The following CCDC171 variants were observed in gnomAD, a reference collection of about 807,000 sequenced individuals.
CCDC171 encodes coiled-coil domain-containing protein 171.
Under a neutral mutation model 168.2 loss-of-function variants are expected in CCDC171, and 177 were observed. The ratio of observed to expected loss-of-function variants is 1.05; its 90% CI spans 0.93 to 1.19. The LOEUF is 1.19. CCDC171 is among the 50% of genes most tolerant of loss of function. The probability of loss-of-function intolerance (pLI) is 0.00; values close to 1 mark genes in which losing one functional copy is unlikely to be tolerated. For synonymous variants in CCDC171, 687 were observed against 540.8 expected, an observed-to-expected ratio of 1.27 and a Z score of -3.75; for missense variants, 1,991 against 1,539.0, an observed-to-expected ratio of 1.29 and a Z score of -4.91.
At chr9:16,083,104 A>G in the CCDC171 span, among the ~76,000 whole-genome samples, 5 of 152,248 alleles carry the variant, frequency 3.3e-5, no homozygotes, top group African/African-American at 1.2e-4. Context: ...TTTTGTCATT[A>G]AAAGAATGAC....
chr9:15,574,317 G>C (rs925392104), intron 3 of CCDC171, among the ~76,000 whole-genome samples: 1 of 151,364 alleles, frequency 6.6e-6, no homozygotes, highest in Admixed American at 6.6e-5. Context: ...GCTAATTTTT[G>C]TATTTTTAGT....
chr9:15,623,475 GCA>G (rs1554714957), intron 7 of CCDC171, 62 bp downstream of exon 7: 4,599 of 313,398 alleles, frequency 0.015, 26 homozygotes, highest in South Asian at 0.021. Context: ...GCGCGCGCGC[GCA>G]CACACACACA....
At chr9:15,946,359 G>A (rs199649858) in intron 25 of CCDC171, among the ~76,000 whole-genome samples, 13 of 151,884 alleles carry the variant, frequency 8.6e-5, no homozygotes, top group South Asian at 4.2e-4. Flanking sequence ...AATCACAAGC[G>A]TTCTTATACA....
At chr9:16,069,957 A>C in the CCDC171 span, among the ~76,000 whole-genome samples, 2 of 152,146 alleles carry the variant, frequency 1.3e-5, no homozygotes, top group African/African-American at 4.8e-5. Context: ...CAGGAAATCC[A>C]TATTCATTCT....
At chr9:16,005,201 C>A (rs1209227379) in intron 3 of CCDC171, among the ~76,000 whole-genome samples, 1 of 152,228 alleles carries the variant, frequency 6.6e-6, no homozygotes, top group Non-Finnish European at 1.5e-5. Flanking sequence ...AATCTACATT[C>A]TATCTGTATA....
intron 25 of CCDC171, among the ~76,000 whole-genome samples, chr9:15,930,038 T>A (rs1385917968): frequency 6.6e-6 from 1 of 151,766 alleles, no homozygotes; most frequent in Non-Finnish European, 1.5e-5. Context: ...ACCAATTAGT[T>A]GTGTATGTAT....
At chr9:15,607,991 C>T (rs1408360420) in intron 6 of CCDC171, among the ~76,000 whole-genome samples, 6 of 152,152 alleles carry the variant, frequency 3.9e-5, no homozygotes, top group Admixed American at 6.5e-5. Context: ...CAAGGGACTG[C>T]ATCTGACGAT....
At chr9:16,025,324 C>T (rs1013424291) in intron 6 of CCDC171, among the ~76,000 whole-genome samples, 2 of 152,122 alleles carry the variant, frequency 1.3e-5, no homozygotes, top group African/African-American at 4.8e-5. Context: ...CGCCTGTAAT[C>T]CCAGCTACTC....
intron 21 of CCDC171, among the ~76,000 whole-genome samples, chr9:15,800,462 G>C (rs989055805): frequency 6.6e-6 from 1 of 151,956 alleles, no homozygotes; most frequent in African/African-American, 2.4e-5. Context: ...CAGATTATTA[G>C]ATTTTTTTCC....
intron 18 of CCDC171, among the ~76,000 whole-genome samples, chr9:15,775,593 C>T (rs2057281132): frequency 6.6e-6 from 1 of 152,202 alleles, no homozygotes; most frequent in Non-Finnish European, 1.5e-5. Flanking sequence ...GCTGGGATTA[C>T]AGGAGTGAGC....
chr9:16,084,669 G>A, the CCDC171 span, among the ~76,000 whole-genome samples: 111 of 152,026 alleles, frequency 7.3e-4, no homozygotes, highest in African/African-American at 2.4e-3. Context: ...GAATACCTCC[G>A]GGCTGCCATG....
At chr9:15,655,358 T>C (rs1341083576) in intron 7 of CCDC171, among the ~76,000 whole-genome samples, 1 of 152,248 alleles carries the variant, frequency 6.6e-6, no homozygotes, top group Non-Finnish European at 1.5e-5. Context: ...GCTACTGTTA[T>C]GTTGAGACAT....
At chr9:15,761,554 A>G (rs914810175) in intron 18 of CCDC171, among the ~76,000 whole-genome samples, 1 of 152,222 alleles carries the variant, frequency 6.6e-6, no homozygotes. Flanking sequence ...GCATTTTAAC[A>G]AGATCCTCAG....
chr9:16,036,802 G>A (rs1453923008), intron 8 of CCDC171, among the ~76,000 whole-genome samples: 5 of 151,964 alleles, frequency 3.3e-5, no homozygotes, highest in Admixed American at 1.3e-4. Flanking sequence ...TATCTGAGAT[G>A]AGATATTGAC....
the CCDC171 span, among the ~76,000 whole-genome samples, chr9:16,102,513 G>T: frequency 6.6e-6 from 1 of 150,774 alleles, no homozygotes; most frequent in South Asian, 2.1e-4. Flanking sequence ...GTGGGGGCAG[G>T]GGGGAGGGTG....
chr9:15,800,535 G>A (rs1325136790), intron 21 of CCDC171, among the ~76,000 whole-genome samples: 3 of 151,974 alleles, frequency 2.0e-5, no homozygotes, highest in Non-Finnish European at 4.4e-5. Context: ...TGGACAGTTT[G>A]CAAATATTTT....
intron 3 of CCDC171, among the ~76,000 whole-genome samples, chr9:16,010,526 C>T (rs1366121726): frequency 1.3e-5 from 2 of 152,086 alleles, no homozygotes; most frequent in Admixed American, 1.3e-4. Context: ...CTCGCTCCCC[C>T]TCAGTGCTTC....
intron 3 of CCDC171, among the ~76,000 whole-genome samples, chr9:15,572,367 C>T (rs1391369802): frequency 6.6e-6 from 1 of 151,900 alleles, no homozygotes. Context: ...CAGTTTAGGC[C>T]ACCTGGTATA....
chr9:15,850,462 G>A (rs2061078569), intron 23 of CCDC171, among the ~76,000 whole-genome samples: 1 of 151,930 alleles, frequency 6.6e-6, no homozygotes. Flanking sequence ...AAAGAAAGCT[G>A]TCTGTAAATC....
Sources: allele counts gnomAD v4.1 joint callset (sites outside exome capture counted in the v4.1 genomes callset), GRCh38; gene constraint gnomAD v4.1.1; transcripts MANE v1.5; gene names NCBI Gene and HGNC (gene_info 2026-07-23, HGNC 2026-07-21).